Variants in PTBP2 observed in about 807,000 individuals in gnomAD.
PTBP2 encodes the protein polypyrimidine tract-binding protein 2.
A neutral mutation model predicts 61.4 loss-of-function variants in PTBP2; 13 were observed. The ratio of observed to expected loss-of-function variants is 0.21; its 90% CI spans 0.14 to 0.34. The LOEUF (loss-of-function observed/expected upper bound fraction) is 0.34, where lower values mean the gene tolerates loss of function less well. Ranked by LOEUF, PTBP2 falls within the 10% of genes least tolerant of loss-of-function variation. The pLI is 1.00. For missense variants in PTBP2, 405 were observed against 642.6 expected (o/e 0.63, Z 4.00); for synonymous variants, 215 against 218.5 (o/e 0.98, Z 0.14).
intron 8 of PTBP2, among the ~76,000 whole-genome samples, chr1:96,803,431 C>T (rs987068357): frequency 6.7e-6 from 1 of 150,308 alleles, no homozygotes; most frequent in African/African-American, 2.5e-5. Context: ...AAAGGAGAGC[C>T]TAAAAAAAAA....
downstream of PTBP2, chr1:96,818,579 T>C (rs1290438891): frequency 6.6e-6 from 1 of 152,098 alleles, no homozygotes; most frequent in East Asian, 1.9e-4. Flanking sequence ...ACCTAGGAGT[T>C]TATTAGAAAC....
intron 8 of PTBP2, among the ~76,000 whole-genome samples, chr1:96,802,527 C>T (rs1449577812): frequency 1.3e-5 from 2 of 152,092 alleles, no homozygotes; most frequent in East Asian, 1.9e-4. Context: ...AGAATTACTT[C>T]TTCCTGTTAG....
chr1:96,763,290 T>G (rs1218218304), intron 3 of PTBP2, among the ~76,000 whole-genome samples: 1 of 152,020 alleles, frequency 6.6e-6, no homozygotes, highest in Non-Finnish European at 1.5e-5. Flanking sequence ...TGGGCACCAT[T>G]GAGCACTGAG....
intron 7 of PTBP2, among the ~76,000 whole-genome samples, chr1:96,781,473 T>G (rs1658660636): frequency 6.6e-6 from 1 of 152,032 alleles, no homozygotes. Context: ...CTTCTTTAAA[T>G]AGCTTGCATA....
chr1:96,732,730 T>C (rs1651598754), intron 2 of PTBP2, among the ~76,000 whole-genome samples: 1 of 152,162 alleles, frequency 6.6e-6, no homozygotes, highest in South Asian at 2.1e-4. Flanking sequence ...CCTAGCTAGA[T>C]TGGGAGATAG....
At chr1:96,807,441 C>T (rs1661603624) in intron 11 of PTBP2, among the ~76,000 whole-genome samples, 1 of 152,146 alleles carries the variant, frequency 6.6e-6, no homozygotes, top group South Asian at 2.1e-4. Context: ...AGTCAGGTTA[C>T]ACTTTATATC....
chr1:96,777,568 ATAATCT>A lies in PTBP2; in HGVS notation c.433-12_433-7del. ...AATAATGGGTATGTTTCTAAACTACATAATCTTAATTTCCAGCGTGCTCAGGCAGTT... is the reference window on the plus strand; with the variant it reads ...AATAATGGGTATGTTTCTAAACTACATAATTTCCAGCGTGCTCAGGCAGTT... On this transcript the variant is annotated splice_polypyrimidine_tract_variant and intron_variant, in intron 5 of 13. Transcript: ENST00000674951. 6.3e-7 allele frequency: 1 copy of A among 1,594,204 alleles called. No individual in the cohort carries two copies. Among genetic ancestry groups the A allele is most frequent in the Non-Finnish European group, 8.5e-7 (1 of 1,171,330 alleles).
At chr1:96,778,468 A>G (rs1178842946) in intron 7 of PTBP2, among the ~76,000 whole-genome samples, 2 of 151,174 alleles carry the variant, frequency 1.3e-5, no homozygotes, top group Non-Finnish European at 3.0e-5. Flanking sequence ...TTACATATGG[A>G]GGATGTAAGG....
chr1:96,796,020 A>G (rs1239048176), intron 8 of PTBP2, among the ~76,000 whole-genome samples: 4 of 152,224 alleles, frequency 2.6e-5, no homozygotes. Context: ...TCTAAGGCTA[A>G]TTTAAGTCCT....
intron 8 of PTBP2, among the ~76,000 whole-genome samples, chr1:96,785,473 A>G (rs951377392): frequency 1.3e-5 from 2 of 152,178 alleles, no homozygotes; most frequent in Admixed American, 1.3e-4. Context: ...TGTTCCTTTT[A>G]ATACCTTCAG....
intron 3 of PTBP2, among the ~76,000 whole-genome samples, chr1:96,762,498 C>T (rs112304540): frequency 3.2e-5 from 3 of 93,256 alleles, no homozygotes; most frequent in African/African-American, 1.5e-4. Context: ...TGGGGGCTGA[C>T]CCCCGCCACC....
chr1:96,726,886 ATC>A (rs1352000828), intron 2 of PTBP2, among the ~76,000 whole-genome samples: 1 of 152,150 alleles, frequency 6.6e-6, no homozygotes, highest in African/African-American at 2.4e-5. Flanking sequence ...TCCGGCCCAT[ATC>A]TTGCCTTTAA....
At chr1:96,751,400 T>C (rs767840207) in intron 2 of PTBP2, 25 bp from the exon 3 acceptor site, 4 of 1,557,558 alleles carry the variant, frequency 2.6e-6, no homozygotes, top group South Asian at 2.2e-5. Context: ...AGATGTCTTA[T>C]GCTAATTTGT....
chr1:96,789,023 A>C (rs1239946003), intron 8 of PTBP2, among the ~76,000 whole-genome samples: 2 of 152,064 alleles, frequency 1.3e-5, no homozygotes, highest in African/African-American at 4.8e-5. Flanking sequence ...TCAGATTATA[A>C]ATTGAGACAT....
chr1:96,732,142 C>A (rs1328630315), intron 2 of PTBP2, among the ~76,000 whole-genome samples: 1 of 152,128 alleles, frequency 6.6e-6, no homozygotes, highest in African/African-American at 2.4e-5. Context: ...AATTGCTGAA[C>A]TCACAATTTA....
downstream of PTBP2, chr1:96,817,296 C>T (rs1247903928): frequency 3.3e-5 from 5 of 151,954 alleles, no homozygotes; most frequent in African/African-American, 9.7e-5. Flanking sequence ...AATCTGAAAA[C>T]GTTTTTTTCA....
chr1:96,769,283 G>A (rs12069634), intron 3 of PTBP2, among the ~76,000 whole-genome samples: 2,862 of 152,030 alleles, frequency 0.019, 81 homozygotes, highest in African/African-American at 0.059. Context: ...TATCTAAACA[G>A]AAAAGGTACA....
intron 11 of PTBP2, among the ~76,000 whole-genome samples, chr1:96,811,156 AATTTT>A (rs1242172805): frequency 6.6e-6 from 1 of 152,008 alleles, no homozygotes; most frequent in Non-Finnish European, 1.5e-5. Context: ...GTAAAATAAG[AATTTT>A]ACTTTTGTTT....
At chr1:96,800,974 GTTTTTAACCATC>G (rs1660928807) in intron 8 of PTBP2, among the ~76,000 whole-genome samples, 1 of 151,820 alleles carries the variant, frequency 6.6e-6, no homozygotes, top group Non-Finnish European at 1.5e-5. Flanking sequence ...TTTTAAACAT[GTTTTTAACCATC>G]TTTAAATTTT....
Sources: gnomAD v4.1 joint callset for allele counts (sites outside exome capture counted in the v4.1 genomes callset) on GRCh38, gnomAD v4.1.1 for gene constraint, MANE v1.5 for transcripts, NCBI Gene and HGNC (gene_info 2026-07-23, HGNC 2026-07-21) for gene names.